The following UGGT2 variants were observed in gnomAD, a reference collection of about 807,000 sequenced individuals.
UGGT2 encodes UDP-glucose glycoprotein glucosyltransferase 2.
Under a neutral mutation model 192.1 loss-of-function variants are expected in UGGT2, and 180 were observed. The ratio of observed to expected loss-of-function variants is 0.94; its 90% CI spans 0.83 to 1.06. UGGT2 has a LOEUF of 1.06. Among genes scored for constraint, UGGT2 ranks in the 50% least tolerant of loss-of-function variants. The probability of loss-of-function intolerance (pLI) is 0.00; values close to 1 mark genes in which losing one functional copy is unlikely to be tolerated. For synonymous variants in UGGT2, 580 were observed against 591.0 expected, an observed-to-expected ratio of 0.98 and a Z score of 0.27; for missense variants, 1,849 against 1,795.7, an observed-to-expected ratio of 1.03 and a Z score of -0.54.
chr13:95,959,551 TCCATTAC>T (rs1358193896), intron 12 of UGGT2, among the ~76,000 whole-genome samples: 5 of 152,020 alleles, frequency 3.3e-5, no homozygotes, highest in Non-Finnish European at 7.4e-5. Context: ...CCCAGCACAA[TCCATTAC>T]CATTGGCATC....
At chr13:95,815,338 G>A (rs1884777446) in intron 38 of UGGT2, among the ~76,000 whole-genome samples, 1 of 152,080 alleles carries the variant, frequency 6.6e-6, no homozygotes, top group Non-Finnish European at 1.5e-5. Context: ...AACTATAACA[G>A]GACCCATTAT....
At chr13:96,011,445 G>C (rs2139064057) in intron 5 of UGGT2, among the ~76,000 whole-genome samples, 1 of 152,128 alleles carries the variant, frequency 6.6e-6, no homozygotes, top group African/African-American at 2.4e-5. Context: ...TTAGTCATTA[G>C]AGAAATGCAA....
intron 1 of UGGT2, among the ~76,000 whole-genome samples, chr13:96,049,091 TG>T (rs2053408899): frequency 6.6e-6 from 1 of 152,206 alleles, no homozygotes; most frequent in Non-Finnish European, 1.5e-5. Flanking sequence ...AATAAAATAC[TG>T]GCAAACCAAA....
intron 16 of UGGT2, among the ~76,000 whole-genome samples, chr13:95,938,585 T>A (rs2049548173): frequency 6.6e-6 from 1 of 152,210 alleles, no homozygotes; most frequent in South Asian, 2.1e-4. Flanking sequence ...ATACTATCTG[T>A]ACGTTTAGTG....
intron 12 of UGGT2, among the ~76,000 whole-genome samples, chr13:95,966,401 G>A (rs1490042414): frequency 1.3e-5 from 2 of 152,136 alleles, no homozygotes; most frequent in African/African-American, 4.8e-5. Flanking sequence ...GCATGCTGGT[G>A]GGAGGGGTTG....
At chr13:95,935,760 A>T (rs2049442209) in intron 17 of UGGT2, among the ~76,000 whole-genome samples, 1 of 152,178 alleles carries the variant, frequency 6.6e-6, no homozygotes, top group African/African-American at 2.4e-5. Context: ...TTCTCTCAGG[A>T]ATGCCAATAA....
intron 22 of UGGT2, among the ~76,000 whole-genome samples, chr13:95,896,546 G>C (rs1199535579): frequency 1.3e-5 from 2 of 152,022 alleles, no homozygotes; most frequent in African/African-American, 4.8e-5. Flanking sequence ...TACCTCTAGC[G>C]ACAGGGGCAG....
chr13:96,018,675 T>A (rs1227103732), intron 4 of UGGT2, among the ~76,000 whole-genome samples: 1 of 151,220 alleles, frequency 6.6e-6, no homozygotes, highest in African/African-American at 2.4e-5. Flanking sequence ...TTTACGAAAT[T>A]GGGACAATGA....
chr13:95,926,928 C>T lies in UGGT2; in HGVS notation c.2200+100G>A, dbSNP rs557954843. ...TAAAATTGAAATCTAGGCCTCTACT[C>T]AAAAATAGCAACATATTAAAATTTA... is the stretch of plus-strand genomic sequence containing the variant. On this transcript the variant is annotated intron_variant, in intron 19 of 38. Coordinates refer to ENST00000376747, the MANE Select transcript of UGGT2 (RefSeq NM_020121.4). The T allele has an allele frequency of 1.5e-3, 1,752 of 1,160,534 alleles. 2 individuals are homozygous for T. Among genetic ancestry groups the T allele is most frequent in the Non-Finnish European group, 2.0e-3 (1,679 of 840,868 alleles). The allele number at this position is 1,160,534 out of a possible 1,614,324, so 71.9% of individuals were successfully genotyped here. A position where few individuals can be genotyped will look rare whatever the true frequency, so the allele number is the denominator to read the frequency against.
chr13:95,867,810 A>G (rs1890813915), intron 29 of UGGT2, among the ~76,000 whole-genome samples: 1 of 152,164 alleles, frequency 6.6e-6, no homozygotes, highest in East Asian at 1.9e-4. Context: ...TTATATTTCA[A>G]AGGAGTTCTA....
intron 35 of UGGT2, among the ~76,000 whole-genome samples, chr13:95,853,941 ATAATCT>A (rs1889317880): frequency 1.3e-5 from 2 of 152,186 alleles, no homozygotes; most frequent in African/African-American, 2.4e-5. Flanking sequence ...CTTTGAAGAC[ATAATCT>A]TAATTTTATT....
intron 20 of UGGT2, among the ~76,000 whole-genome samples, chr13:95,915,987 A>G (rs947869948): frequency 1.3e-5 from 2 of 152,148 alleles, no homozygotes; most frequent in African/African-American, 4.8e-5. Flanking sequence ...GGCTCTGGAG[A>G]GTCCAAACAG....
At chr13:95,891,101 G>C (rs1476385360) in intron 24 of UGGT2, 137 bp from the exon 25 acceptor site, 12 of 569,990 alleles carry the variant, frequency 2.1e-5, no homozygotes, top group Non-Finnish European at 3.5e-5. Flanking sequence ...TTCACACAAT[G>C]CTTGCAAATC....
chr13:95,824,079 C>T (rs929057558), intron 38 of UGGT2, among the ~76,000 whole-genome samples: 7 of 152,066 alleles, frequency 4.6e-5, no homozygotes, highest in Non-Finnish European at 1.0e-4. Context: ...AAATTCTTGA[C>T]TAACAGTTAT....
chr13:95,865,637 G>A (rs1890592060), intron 30 of UGGT2, among the ~76,000 whole-genome samples: 1 of 152,140 alleles, frequency 6.6e-6, no homozygotes, highest in African/African-American at 2.4e-5. Flanking sequence ...GAACTCCAGA[G>A]TGAGCAACAG....
At chr13:95,925,613 T>C in intron 20 of UGGT2, 67 bp downstream of exon 20, 1 of 1,062,166 alleles carries the variant, frequency 9.4e-7, no homozygotes, top group Non-Finnish European at 1.3e-6. Flanking sequence ...TTAATGTATG[T>C]TCTTCATATT....
chr13:95,847,061 CTTTT>C (rs71113956), intron 36 of UGGT2, among the ~76,000 whole-genome samples: 99 of 97,374 alleles, frequency 1.0e-3, no homozygotes, highest in East Asian at 5.2e-3. Flanking sequence ...CTTTTCTTTT[CTTTT>C]TTTTTTTTAT....
chr13:96,028,275 CA>C (rs2052726655), intron 2 of UGGT2, among the ~76,000 whole-genome samples: 1 of 152,206 alleles, frequency 6.6e-6, no homozygotes, highest in African/African-American at 2.4e-5. Flanking sequence ...CTTCTTCCCC[CA>C]AATCTGGTTC....
chr13:95,988,691 T>C (rs2051366597), intron 8 of UGGT2, among the ~76,000 whole-genome samples: 1 of 152,172 alleles, frequency 6.6e-6, no homozygotes. Context: ...ATTAGGTAGG[T>C]AAAGAATAGC....
Sources: allele counts gnomAD v4.1 joint callset (sites outside exome capture counted in the v4.1 genomes callset), GRCh38; gene constraint gnomAD v4.1.1; transcripts MANE v1.5; gene names NCBI Gene and HGNC (gene_info 2026-07-23, HGNC 2026-07-21).